Variants in DDX10 observed in about 807,000 individuals in gnomAD.
DDX10 encodes probable ATP-dependent RNA helicase DDX10.
In DDX10, 74 loss-of-function variants were observed where a neutral mutation model predicts 104.3. The observed-to-expected ratio is 0.71, with a 90% CI of 0.59 to 0.86. The LOEUF is 0.86. DDX10 is among the 40% of genes least tolerant of loss of function. The probability of loss-of-function intolerance (pLI) is 0.00; values close to 1 mark genes in which losing one functional copy is unlikely to be tolerated. For missense variants in DDX10, 952 were observed against 1,040.0 expected (o/e 0.92, Z 1.16); for synonymous variants, 351 against 353.4 (o/e 0.99, Z 0.08).
chr11:108,820,423 G>A (rs1862310904), intron 13 of DDX10, among the ~76,000 whole-genome samples: 1 of 152,208 alleles, frequency 6.6e-6, no homozygotes, highest in East Asian at 1.9e-4. Flanking sequence ...ATTCCACATA[G>A]GAGGTTCTCA....
chr11:108,724,504 T>C (rs992605152), intron 13 of DDX10, among the ~76,000 whole-genome samples: 5 of 152,110 alleles, frequency 3.3e-5, no homozygotes, highest in African/African-American at 1.2e-4. Flanking sequence ...AACATAGGTG[T>C]TCTGACTTTA....
intron 17 of DDX10, among the ~76,000 whole-genome samples, chr11:108,937,831 T>C (rs866167732): frequency 2.0e-5 from 3 of 152,254 alleles, no homozygotes; most frequent in African/African-American, 7.2e-5. Context: ...AGTTAAGCCA[T>C]GCTTTTGCTT....
intron 13 of DDX10, among the ~76,000 whole-genome samples, chr11:108,824,973 T>C (rs1862376445): frequency 6.6e-6 from 1 of 152,148 alleles, no homozygotes; most frequent in Non-Finnish European, 1.5e-5. Flanking sequence ...GAAGGAACCA[T>C]TTAAGACAAT....
rs540119902 is a variant in DDX10 at position 108,895,181 on chromosome 11, G to A, written c.2305-22692G>A. ...ATGCTTGGACAGTAAAATTAACTCC[G>A]TTTTAAAAGGTGTAGGTATTCTCTT... On this transcript the variant is annotated intron_variant, in intron 16 of 17. Coordinates refer to ENST00000322536, the MANE Select transcript of DDX10 (RefSeq NM_004398.4). Among the ~76,000 whole-genome samples the A allele has an allele frequency of 1.4e-4, 21 of 151,958 alleles. No homozygotes were observed. The South Asian group carries it at 3.9e-3, about 29-fold the overall frequency.
chr11:108,903,103 A>G (rs571010840), intron 16 of DDX10, among the ~76,000 whole-genome samples: 1 of 152,208 alleles, frequency 6.6e-6, no homozygotes, highest in African/African-American at 2.4e-5. Context: ...TTGAAGAAAC[A>G]GAATTCTGTG....
intron 6 of DDX10, among the ~76,000 whole-genome samples, chr11:108,680,767 A>G (rs1412941058): frequency 1.3e-5 from 2 of 152,210 alleles, no homozygotes; most frequent in Non-Finnish European, 2.9e-5. Context: ...AATTCCTTAA[A>G]TAGAGAAAAT....
At chr11:108,844,463 G>A (rs2466927) in intron 15 of DDX10, among the ~76,000 whole-genome samples, 22,827 of 152,064 alleles carry the variant, frequency 0.15, 2,098 homozygotes, top group East Asian at 0.27. Flanking sequence ...GCACAAATAT[G>A]GGCACTCAAA....
chr11:108,847,956 T>C (rs1862740945), intron 15 of DDX10, among the ~76,000 whole-genome samples: 1 of 152,126 alleles, frequency 6.6e-6, no homozygotes, highest in South Asian at 2.1e-4. Flanking sequence ...TCTTTAAACT[T>C]TATGCTTTTT....
chr11:108,940,350 A>C lies in DDX10; in HGVS notation c.2555A>C (p.Glu852Ala). ...AAGAAGGCCAGGTGGGACACTTTAG[A>C]GCCTTTGGATACCGGCCTGTCTTTA... ...NRKKARWDTL[E>A]PLDTGLSLAE... The change falls in exon 18 of 18, where the codon GAG (glutamate) becomes GCG (alanine). Residue 852 changes from glutamate (E) to alanine (A), a missense_variant. By Grantham distance (107) the Glu-to-Ala change is moderately radical. Coordinates refer to ENST00000322536, the MANE Select transcript of DDX10 (RefSeq NM_004398.4). 6.2e-7 allele frequency: 1 copy of C among 1,614,062 alleles called. No individual in the cohort carries two copies. The highest frequency in any genetic ancestry group is 1.1e-5 in the South Asian group (1 of 91,082).
intron 13 of DDX10, among the ~76,000 whole-genome samples, chr11:108,747,729 A>C (rs2624149): frequency 0.12 from 18,718 of 152,082 alleles, 1,563 homozygotes; most frequent in East Asian, 0.27. Context: ...TTCTTTCTCA[A>C]ATCCATCCTC....
At position 108,782,508 on chromosome 11, in the gene DDX10, T is replaced by C. The variant is rs551546076; in HGVS notation, c.1966-55938T>C. ...TTTATTAATCTGTTGGAATGCACCTTAGACAATACTCATCTACCATATCCT... is the reference window on the plus strand; with the variant it reads ...TTTATTAATCTGTTGGAATGCACCTCAGACAATACTCATCTACCATATCCT... On this transcript the variant is annotated intron_variant, in intron 13 of 17. Coordinates refer to ENST00000322536, the MANE Select transcript of DDX10 (RefSeq NM_004398.4). 3.3e-5 allele frequency among the ~76,000 whole-genome samples: 5 copies of C among 152,310 alleles called. No homozygotes were observed. The East Asian group carries it at 9.6e-4, about 29-fold the overall frequency.
At chr11:108,733,984 C>T (rs2094315398) in intron 13 of DDX10, among the ~76,000 whole-genome samples, 1 of 152,082 alleles carries the variant, frequency 6.6e-6, no homozygotes, top group Non-Finnish European at 1.5e-5. Flanking sequence ...TATTTTCTTC[C>T]CACTCCAGCA....
intron 17 of DDX10, among the ~76,000 whole-genome samples, chr11:108,937,117 G>A (rs974877649): frequency 2.0e-5 from 3 of 152,160 alleles, no homozygotes; most frequent in Non-Finnish European, 4.4e-5. Context: ...AAGGACAAGG[G>A]GAAGACCCAG....
At chr11:108,791,258 G>A (rs1346980282) in intron 13 of DDX10, among the ~76,000 whole-genome samples, 2 of 152,204 alleles carry the variant, frequency 1.3e-5, no homozygotes, top group Admixed American at 6.5e-5. Flanking sequence ...GCCAGCATCC[G>A]TGTACCTGCC....
At position 108,717,766 on chromosome 11, in the gene DDX10, G is replaced by T. The variant is rs112577129; in HGVS notation, c.1410+1800G>T. On this transcript the variant is annotated intron_variant, in intron 11 of 17. Coordinates refer to ENST00000322536, the MANE Select transcript of DDX10 (RefSeq NM_004398.4). ...CCAGGTACTTAGTTATGACAAAACT[G>T]TTTTACATGCGTTGTTACCTAATCT... Among the ~76,000 whole-genome samples the T allele has an allele frequency of 6.5e-3, 995 of 152,322 alleles. 9 individuals carry two copies. The highest frequency in any genetic ancestry group is 0.022 in the African/African-American group (927 of 41,568).
At chr11:108,799,731 G>T (rs559664063) in intron 13 of DDX10, among the ~76,000 whole-genome samples, 16 of 152,086 alleles carry the variant, frequency 1.1e-4, no homozygotes, top group Non-Finnish European at 2.2e-4. Context: ...GTTATTACTT[G>T]TTTGTATTAT....
At chr11:108,795,277 ATTTT>A (rs559914594) in intron 13 of DDX10, among the ~76,000 whole-genome samples, 2 of 131,236 alleles carry the variant, frequency 1.5e-5, no homozygotes, top group East Asian at 4.4e-4. Context: ...GGGCCTGGAA[ATTTT>A]TTTTTTTTTT....
chr11:108,887,050 A>T (rs1196686291), intron 16 of DDX10, among the ~76,000 whole-genome samples: 1 of 152,222 alleles, frequency 6.6e-6, no homozygotes, highest in African/African-American at 2.4e-5. Context: ...ATGGTATATT[A>T]TATGAAAACA....
chr11:108,932,272 A>C (rs1014253032), intron 17 of DDX10, among the ~76,000 whole-genome samples: 1 of 151,928 alleles, frequency 6.6e-6, no homozygotes, highest in Non-Finnish European at 1.5e-5. Flanking sequence ...TTTGTAGTTC[A>C]CTTTAAAGTC....
Sources: gnomAD v4.1 joint callset for allele counts (sites outside exome capture counted in the v4.1 genomes callset) on GRCh38, gnomAD v4.1.1 for gene constraint, MANE v1.5 for transcripts, NCBI Gene and HGNC (gene_info 2026-07-23, HGNC 2026-07-21) for gene names.